Variants in CHSY3 observed in about 807,000 individuals in gnomAD.
The protein encoded by CHSY3 is N-acetylgalactosaminyl-proteoglycan 3-beta-glucuronosyltransferase 3.
CHSY3 carries 35 observed loss-of-function variants against 67.2 expected under a neutral mutation model. That is an observed-to-expected ratio of 0.52 (90% CI 0.40 to 0.69). The LOEUF (loss-of-function observed/expected upper bound fraction) is 0.69, where lower values mean the gene tolerates loss of function less well. Ranked by LOEUF, CHSY3 falls within the 30% of genes least tolerant of loss-of-function variation. The pLI is 0.00. For synonymous variants in CHSY3, 474 were observed against 434.7 expected (o/e 1.09, Z -1.12); for missense variants, 1,069 against 1,138.5 (o/e 0.94, Z 0.88).
intron 2 of CHSY3, among the ~76,000 whole-genome samples, chr5:130,125,790 C>T (rs1768262242): frequency 1.3e-5 from 2 of 152,154 alleles, no homozygotes; most frequent in South Asian, 2.1e-4. Flanking sequence ...AAGCTGCTCT[C>T]ATAAGAATGG....
chr5:130,092,341 A>G (rs1766908791), intron 2 of CHSY3, among the ~76,000 whole-genome samples: 2 of 152,328 alleles, frequency 1.3e-5, no homozygotes, highest in African/African-American at 4.8e-5. Context: ...AAGCATTGGC[A>G]GGCCTACACT....
chr5:129,994,426 T>C (rs556277302), intron 2 of CHSY3, among the ~76,000 whole-genome samples: 17 of 152,270 alleles, frequency 1.1e-4, no homozygotes, highest in African/African-American at 3.4e-4. Flanking sequence ...TATTCTTTTT[T>C]CTCTAAACTT....
chr5:130,118,214 C>A (rs978896355), intron 2 of CHSY3, among the ~76,000 whole-genome samples: 4 of 152,096 alleles, frequency 2.6e-5, no homozygotes, highest in Non-Finnish European at 5.9e-5. Flanking sequence ...ATTACCCAGC[C>A]TCATGTATTT....
At chr5:130,152,393 A>G (rs959891526) in intron 2 of CHSY3, among the ~76,000 whole-genome samples, 3 of 152,222 alleles carry the variant, frequency 2.0e-5, no homozygotes, top group Non-Finnish European at 2.9e-5. Flanking sequence ...GAAAAATTAA[A>G]TAAAAAGTGC....
chr5:129,961,859 A>G (rs1407922470), intron 2 of CHSY3, among the ~76,000 whole-genome samples: 2 of 151,944 alleles, frequency 1.3e-5, no homozygotes, highest in East Asian at 1.9e-4. Context: ...GATCTTCTCT[A>G]TTCTCATGCT....
At chr5:130,169,172 A>T (rs1027121966) in intron 2 of CHSY3, among the ~76,000 whole-genome samples, 14 of 152,120 alleles carry the variant, frequency 9.2e-5, no homozygotes, top group Admixed American at 2.6e-4. Context: ...TCTACTGTAT[A>T]CACGGCAGTG....
intron 2 of CHSY3, among the ~76,000 whole-genome samples, chr5:130,007,665 C>T (rs893258806): frequency 2.0e-5 from 3 of 152,082 alleles, no homozygotes; most frequent in Non-Finnish European, 4.4e-5. Flanking sequence ...GGTCACGACT[C>T]AGTATTATGA....
chr5:130,179,116 A>AAT (rs1770169704), intron 2 of CHSY3, among the ~76,000 whole-genome samples: 1 of 152,236 alleles, frequency 6.6e-6, no homozygotes, highest in Non-Finnish European at 1.5e-5. Context: ...GAGTTCAATA[A>AAT]ATAGTAAATG....
At chr5:130,130,931 A>T (rs1454290456) in intron 2 of CHSY3, among the ~76,000 whole-genome samples, 1 of 152,074 alleles carries the variant, frequency 6.6e-6, no homozygotes, top group Non-Finnish European at 1.5e-5. Context: ...TCTGGGTATG[A>T]TTCTCCATAA....
At chr5:130,129,808 A>C (rs2149713240) in intron 2 of CHSY3, among the ~76,000 whole-genome samples, 1 of 152,108 alleles carries the variant, frequency 6.6e-6, no homozygotes, top group South Asian at 2.1e-4. Flanking sequence ...GATGGATGAA[A>C]CCACATTGCC....
At chr5:129,989,634 A>T (rs1244905730) in intron 2 of CHSY3, among the ~76,000 whole-genome samples, 1 of 152,162 alleles carries the variant, frequency 6.6e-6, no homozygotes, top group Non-Finnish European at 1.5e-5. Context: ...CTGCTAAATT[A>T]GCTTGACAAG....
At chr5:129,960,809 A>G (rs185414004) in intron 2 of CHSY3, among the ~76,000 whole-genome samples, 2 of 152,188 alleles carry the variant, frequency 1.3e-5, no homozygotes, top group Admixed American at 6.6e-5. Context: ...GAAACATTTT[A>G]TATGTACCCT....
chr5:130,119,983 G>C (rs969107247), intron 2 of CHSY3, among the ~76,000 whole-genome samples: 1 of 151,998 alleles, frequency 6.6e-6, no homozygotes, highest in African/African-American at 2.4e-5. Flanking sequence ...TTTTCCTTTT[G>C]TTCTTTTTAA....
intron 2 of CHSY3, among the ~76,000 whole-genome samples, chr5:130,145,616 C>T (rs1287091633): frequency 1.3e-5 from 2 of 152,062 alleles, no homozygotes; most frequent in Non-Finnish European, 2.9e-5. Flanking sequence ...TTACATCAAA[C>T]TAAAAAGCTT....
chr5:130,118,792 T>C (rs967607015), intron 2 of CHSY3, among the ~76,000 whole-genome samples: 24 of 152,102 alleles, frequency 1.6e-4, no homozygotes, highest in African/African-American at 5.8e-4. Context: ...TAAGTGTCCA[T>C]GAAATAGGAA....
intron 2 of CHSY3, among the ~76,000 whole-genome samples, chr5:130,167,024 A>G (rs1398881289): frequency 1.3e-5 from 2 of 152,132 alleles, no homozygotes; most frequent in Non-Finnish European, 2.9e-5. Context: ...GACTACTACA[A>G]TAGGGGAGAG....
chr5:129,986,750 C>A lies in CHSY3; in HGVS notation c.1086+78390C>A, dbSNP rs545128940. ...CTCCATCTCCCAGGTCCAAACAATT[C>A]TCCTGCCCCAGCCCCCCAAGTAGCT... On this transcript the variant is annotated intron_variant, in intron 2 of 2. Coordinates refer to ENST00000305031, the MANE Select transcript of CHSY3 (RefSeq NM_175856.5). Among the ~76,000 whole-genome samples, 5 of 152,278 alleles carry A rather than the reference C, an allele frequency of 3.3e-5. No individual in the cohort carries two copies. The East Asian group carries it at 9.7e-4, about 29-fold the overall frequency.
chr5:130,103,614 TAGAG>T (rs1054059098), intron 2 of CHSY3, among the ~76,000 whole-genome samples: 1 of 152,016 alleles, frequency 6.6e-6, no homozygotes, highest in Non-Finnish European at 1.5e-5. Flanking sequence ...CAGAAAAATA[TAGAG>T]AGAGATATAT....
intron 2 of CHSY3, among the ~76,000 whole-genome samples, chr5:130,077,826 C>T (rs1285115828): frequency 6.6e-6 from 1 of 151,326 alleles, no homozygotes; most frequent in African/African-American, 2.4e-5. Context: ...CATATATATA[C>T]ACACATACAT....
Sources: allele counts gnomAD v4.1 joint callset (sites outside exome capture counted in the v4.1 genomes callset), GRCh38; gene constraint gnomAD v4.1.1; transcripts MANE v1.5; gene names NCBI Gene and HGNC (gene_info 2026-07-23, HGNC 2026-07-21).